Variants in TAOK3 observed in about 807,000 individuals in gnomAD.
TAOK3 encodes the protein serine/threonine-protein kinase TAO3.
A neutral mutation model predicts 120.4 loss-of-function variants in TAOK3; 40 were observed. That is an observed-to-expected ratio of 0.33 (90% confidence interval 0.26 to 0.43). The LOEUF is 0.43. TAOK3 is among the 20% of genes least tolerant of loss of function. The pLI is 1.00. For missense variants in TAOK3, 821 were observed against 1,112.1 expected (o/e 0.74, Z 3.72); for synonymous variants, 355 against 387.5 (o/e 0.92, Z 0.99).
intron 1 of TAOK3, among the ~76,000 whole-genome samples, chr12:118,292,023 G>A (rs1336953574): frequency 1.3e-5 from 2 of 151,938 alleles, no homozygotes; most frequent in Non-Finnish European, 2.9e-5. Context: ...CCGTGAGGAT[G>A]ATCTTGATCT....
At chr12:118,257,531 G>C (rs2041040563) in intron 2 of TAOK3, among the ~76,000 whole-genome samples, 1 of 151,698 alleles carries the variant, frequency 6.6e-6, no homozygotes, top group South Asian at 2.1e-4. Flanking sequence ...ATTTATTTAT[G>C]CCAACGTTTA....
chr12:118,337,600 T>A (rs1180277966), intron 1 of TAOK3, among the ~76,000 whole-genome samples: 1 of 152,230 alleles, frequency 6.6e-6, no homozygotes, highest in Non-Finnish European at 1.5e-5. Context: ...GTATTAACTA[T>A]TGACACACAA....
chr12:118,244,520 CTTTTTTCTTTTTCTTT>C (rs2040394565), intron 4 of TAOK3, among the ~76,000 whole-genome samples: 3 of 111,274 alleles, frequency 2.7e-5, no homozygotes, highest in Non-Finnish European at 3.9e-5. Flanking sequence ...TTGTTAATTT[CTTTTTTCTTTTTCTTT>C]TTTTTTTTTT....
intron 17 of TAOK3, among the ~76,000 whole-genome samples, chr12:118,168,153 T>C (rs1378749580): frequency 1.3e-5 from 2 of 152,030 alleles, no homozygotes; most frequent in African/African-American, 4.8e-5. Context: ...AGGGTAGAGA[T>C]TGGGTGGAAT....
chr12:118,272,839 T>C (rs1666843615), intron 1 of TAOK3, among the ~76,000 whole-genome samples: 1 of 152,020 alleles, frequency 6.6e-6, no homozygotes. Context: ...TAGCTGGGCA[T>C]GGTAGCACGT....
intron 8 of TAOK3, among the ~76,000 whole-genome samples, chr12:118,234,687 C>T (rs973436931): frequency 1.3e-5 from 2 of 152,132 alleles, no homozygotes; most frequent in Admixed American, 1.3e-4. Flanking sequence ...GGATTACAGG[C>T]ATAGGCCACC....
intron 11 of TAOK3, among the ~76,000 whole-genome samples, chr12:118,212,593 T>C (rs1244698914): frequency 6.6e-6 from 1 of 152,144 alleles, no homozygotes; most frequent in African/African-American, 2.4e-5. Flanking sequence ...TTAATGTTTA[T>C]GCAGATGTTA....
chr12:118,359,717 C>A (rs1190168535), intron 1 of TAOK3: 4 of 152,146 alleles, frequency 2.6e-5, no homozygotes, highest in Non-Finnish European at 2.9e-5. Flanking sequence ...TTTCCTGTTA[C>A]AACGCCCATT....
chr12:118,363,615 T>C (rs970289453), intron 1 of TAOK3, among the ~76,000 whole-genome samples: 2 of 151,902 alleles, frequency 1.3e-5, no homozygotes, highest in Non-Finnish European at 2.9e-5. Context: ...TTAGAGGTAG[T>C]TATGGAAAAT....
At chr12:118,204,482 C>T (rs1289147481) in intron 11 of TAOK3, among the ~76,000 whole-genome samples, 3 of 152,118 alleles carry the variant, frequency 2.0e-5, no homozygotes, top group Non-Finnish European at 4.4e-5. Flanking sequence ...TTCTGACTCT[C>T]TTAGAGGAAT....
chr12:118,204,429 G>C (rs918492609), intron 11 of TAOK3, among the ~76,000 whole-genome samples: 2 of 152,186 alleles, frequency 1.3e-5, no homozygotes, highest in South Asian at 4.1e-4. Context: ...AAAAATAATA[G>C]GGCCCTTGTG....
At chr12:118,285,177 G>A (rs1288731199) in intron 1 of TAOK3, among the ~76,000 whole-genome samples, 8 of 151,644 alleles carry the variant, frequency 5.3e-5, no homozygotes, top group Non-Finnish European at 1.2e-4. Context: ...TGAGTAGCTG[G>A]GATTACAGGT....
intron 1 of TAOK3, among the ~76,000 whole-genome samples, chr12:118,295,951 C>G (rs749070437): frequency 2.0e-4 from 31 of 152,122 alleles, no homozygotes; most frequent in Non-Finnish European, 3.7e-4. Flanking sequence ...CAGGCAGTAG[C>G]TAATACAAAA....
At chr12:118,155,349 A>G (rs896910224) in intron 19 of TAOK3, among the ~76,000 whole-genome samples, 3 of 152,220 alleles carry the variant, frequency 2.0e-5, no homozygotes, top group Non-Finnish European at 4.4e-5. Context: ...TGTTTTGTCT[A>G]TGGCTGCATT....
chr12:118,266,786 T>C (rs1056848677), intron 1 of TAOK3, 27 bp from the exon 2 acceptor site: 7 of 394,398 alleles, frequency 1.8e-5, no homozygotes, highest in Non-Finnish European at 2.7e-5. Context: ...ACAAAATACA[T>C]AATTATCAGC....
intron 1 of TAOK3, among the ~76,000 whole-genome samples, chr12:118,346,253 G>A (rs1209767998): frequency 2.6e-5 from 4 of 152,144 alleles, no homozygotes. Flanking sequence ...TAATGAAGGA[G>A]GCTTAGCTTC....
At chr12:118,195,846 C>T (rs897027863) in intron 13 of TAOK3, among the ~76,000 whole-genome samples, 6 of 151,970 alleles carry the variant, frequency 3.9e-5, no homozygotes, top group African/African-American at 7.3e-5. Flanking sequence ...GTCAGGAGAT[C>T]GAGACCATCC....
At chr12:118,254,601 G>T (rs2040899617) in intron 3 of TAOK3, among the ~76,000 whole-genome samples, 1 of 152,158 alleles carries the variant, frequency 6.6e-6, no homozygotes, top group South Asian at 2.1e-4. Context: ...TCTTGCAAAA[G>T]TAATACTTAA....
At chr12:118,194,722 G>C (rs2037620378) in intron 13 of TAOK3, among the ~76,000 whole-genome samples, 1 of 149,836 alleles carries the variant, frequency 6.7e-6, no homozygotes, top group South Asian at 2.1e-4. Flanking sequence ...GTCAAATAAA[G>C]CTTTAGGAGT....
Sources: gnomAD v4.1 joint callset for allele counts (sites outside exome capture counted in the v4.1 genomes callset) on GRCh38, gnomAD v4.1.1 for gene constraint, MANE v1.5 for transcripts, NCBI Gene and HGNC (gene_info 2026-07-23, HGNC 2026-07-21) for gene names.